The following DACH1 variants were observed in gnomAD, a reference collection of about 807,000 sequenced individuals.
DACH1 encodes the protein dachshund family transcription factor 1.
In DACH1, 12 loss-of-function variants were observed where a neutral mutation model predicts 54.2. The ratio of observed to expected loss-of-function variants is 0.22; its 90% confidence interval spans 0.14 to 0.36. The LOEUF is 0.36. Ranked by LOEUF, DACH1 falls within the 10% of genes least tolerant of loss-of-function variation. DACH1 has a pLI of 1.00. For missense variants in DACH1, 805 were observed against 929.8 expected, an observed-to-expected ratio of 0.87 and a Z score of 1.75; for synonymous variants, 386 against 366.2, an observed-to-expected ratio of 1.05 and a Z score of -0.62.
At chr13:71,561,864 C>A (rs750099408) in intron 4 of DACH1, among the ~76,000 whole-genome samples, 1 of 151,820 alleles carries the variant, frequency 6.6e-6, no homozygotes, top group Non-Finnish European at 1.5e-5. Flanking sequence ...ATTTTGAAGA[C>A]CCTGACAAAT....
intron 3 of DACH1, among the ~76,000 whole-genome samples, chr13:71,577,012 G>C (rs1885571722): frequency 6.6e-6 from 1 of 152,094 alleles, no homozygotes; most frequent in Non-Finnish European, 1.5e-5. Flanking sequence ...ACATTTCCAT[G>C]GTGGTAATGT....
At chr13:71,855,417 A>G (rs1873939162) in intron 1 of DACH1, among the ~76,000 whole-genome samples, 1 of 152,002 alleles carries the variant, frequency 6.6e-6, no homozygotes, top group Non-Finnish European at 1.5e-5. Context: ...TTGATTCTGT[A>G]ATCTAATGGC....
rs572439341 is a variant in DACH1 at position 71,739,299 on chromosome 13, T to A, written c.849-57389A>T. Among the ~76,000 whole-genome samples the A allele has an allele frequency of 2.0e-5, 3 of 151,588 alleles. No individual in the cohort carries two copies. The South Asian group carries it at 6.3e-4, about 32-fold the overall frequency. On this transcript the variant is annotated intron_variant, in intron 1 of 10. Transcript: ENST00000613252. The stretch of plus-strand genomic sequence containing the variant: ...GAAATTGGCCAATGAAAAGAAGTGA[T>A]GGAATCATGGTTCGAGGCACCAACA...
chr13:71,773,749 A>C (rs1001243607), intron 1 of DACH1, among the ~76,000 whole-genome samples: 3 of 152,054 alleles, frequency 2.0e-5, no homozygotes, highest in Admixed American at 1.3e-4. Flanking sequence ...AGTACTTCAA[A>C]GAAATATGTA....
intron 6 of DACH1, among the ~76,000 whole-genome samples, chr13:71,510,404 A>T (rs1049391933): frequency 2.0e-5 from 3 of 151,970 alleles, no homozygotes; most frequent in Non-Finnish European, 4.4e-5. Context: ...ATCCTAAAAA[A>T]AATGTTCAAA....
chr13:71,474,219 A>G (rs1408453379), intron 10 of DACH1, among the ~76,000 whole-genome samples: 1 of 152,140 alleles, frequency 6.6e-6, no homozygotes, highest in African/African-American at 2.4e-5. Flanking sequence ...TCTTGCACAT[A>G]TGATAGTTTA....
chr13:71,570,422 CA>C (rs1329135767), intron 4 of DACH1, among the ~76,000 whole-genome samples: 23 of 152,278 alleles, frequency 1.5e-4, no homozygotes, highest in African/African-American at 5.5e-4. Flanking sequence ...CCTTCCACAA[CA>C]GCCAATTGAA....
intron 3 of DACH1, 133 bp downstream of exon 3, chr13:71,630,423 C>A: frequency 7.3e-7 from 1 of 1,367,034 alleles, no homozygotes; most frequent in Non-Finnish European, 9.5e-7. Context: ...ATGGTATCCT[C>A]AAACATACAG....
At chr13:71,447,560 G>A (rs1237875881) in intron 10 of DACH1, among the ~76,000 whole-genome samples, 7 of 151,982 alleles carry the variant, frequency 4.6e-5, no homozygotes, top group African/African-American at 1.5e-4. Context: ...ATGGCCGGGC[G>A]CAGTGGCTCA....
intron 6 of DACH1, among the ~76,000 whole-genome samples, chr13:71,502,193 C>T (rs1003847757): frequency 6.6e-6 from 1 of 152,062 alleles, no homozygotes; most frequent in African/African-American, 2.4e-5. Context: ...GACTTATTCC[C>T]TAAAACCAAG....
chr13:71,846,031 G>T, intron 1 of DACH1: 1 of 167,358 alleles, frequency 6.0e-6, no homozygotes. Flanking sequence ...AGTTATAAGC[G>T]GAGTGGGTCT....
At chr13:71,801,715 G>C (rs556664641) in intron 1 of DACH1, among the ~76,000 whole-genome samples, 2 of 152,154 alleles carry the variant, frequency 1.3e-5, no homozygotes, top group Non-Finnish European at 2.9e-5. Flanking sequence ...AGTCTGAATT[G>C]TTTCCCATTT....
chr13:71,522,640 T>C (rs1881687602), intron 6 of DACH1, among the ~76,000 whole-genome samples: 1 of 152,092 alleles, frequency 6.6e-6, no homozygotes, highest in South Asian at 2.1e-4. Context: ...CTATAATCTC[T>C]ATTTCATGGC....
chr13:71,775,127 CTTTTTTTTTTT>C (rs767902341), intron 1 of DACH1, among the ~76,000 whole-genome samples: 17 of 54,028 alleles, frequency 3.1e-4, no homozygotes, highest in South Asian at 1.0e-3. Flanking sequence ...TCAACACAAG[CTTTTTTTTTTT>C]TTTTTTTTTT....
chr13:71,833,616 G>T (rs1400675532), intron 1 of DACH1, among the ~76,000 whole-genome samples: 1 of 151,888 alleles, frequency 6.6e-6, no homozygotes, highest in Non-Finnish European at 1.5e-5. Context: ...CCAACTATGG[G>T]ATTTGGTGAC....
intron 6 of DACH1, among the ~76,000 whole-genome samples, chr13:71,490,114 T>A (rs1303032899): frequency 6.6e-6 from 1 of 152,184 alleles, no homozygotes; most frequent in South Asian, 2.1e-4. Flanking sequence ...AATATTTTCA[T>A]ATTTCACCCC....
chr13:71,721,448 C>G (rs1004038980), intron 1 of DACH1, among the ~76,000 whole-genome samples: 6 of 152,060 alleles, frequency 3.9e-5, no homozygotes, highest in Admixed American at 1.3e-4. Context: ...ACTTAAATGC[C>G]ACTTTTACTC....
At chr13:71,740,743 A>AT (rs1224244569) in intron 1 of DACH1, among the ~76,000 whole-genome samples, 1 of 152,132 alleles carries the variant, frequency 6.6e-6, no homozygotes, top group African/African-American at 2.4e-5. Flanking sequence ...ATAATGTATT[A>AT]TTTTAAGTGA....
intron 1 of DACH1, among the ~76,000 whole-genome samples, chr13:71,718,535 C>T (rs182021777): frequency 6.8e-6 from 1 of 146,222 alleles, no homozygotes; most frequent in Non-Finnish European, 1.5e-5. Flanking sequence ...ATGATCGCAT[C>T]ACTGCACACC....
Sources: allele counts gnomAD v4.1 joint callset (sites outside exome capture counted in the v4.1 genomes callset), GRCh38; gene constraint gnomAD v4.1.1; transcripts MANE v1.5; gene names NCBI Gene and HGNC (gene_info 2026-07-23, HGNC 2026-07-21).